The following PATJ variants were observed in gnomAD, a reference collection of about 807,000 sequenced individuals.
PATJ encodes PATJ crumbs cell polarity complex component.
In PATJ, 190 loss-of-function variants were observed where a neutral mutation model predicts 224.9. The ratio of observed to expected loss-of-function variants is 0.84; its 90% CI spans 0.75 to 0.95. The LOEUF is 0.95. Among genes scored for constraint, PATJ ranks in the 40% least tolerant of loss-of-function variants. The pLI is 0.00. For synonymous variants in PATJ, 769 were observed against 820.3 expected (o/e 0.94, Z 1.07); for missense variants, 2,121 against 2,270.3 (o/e 0.93, Z 1.34).
At chr1:62,057,454 G>T (rs1408082790) in intron 31 of PATJ, among the ~76,000 whole-genome samples, 1 of 152,168 alleles carries the variant, frequency 6.6e-6, no homozygotes, top group Non-Finnish European at 1.5e-5. Flanking sequence ...GTCTGCAGGA[G>T]ATGACTCCCA....
rs773955612 is a variant in PATJ, at chr1:62,117,170, C to A, written c.4842C>A (p.Leu1614=). 1.2e-6 allele frequency: 2 copies of A among 1,614,070 alleles called. No individual in the cohort carries two copies. Among genetic ancestry groups the A allele is most frequent in the Admixed American group, 3.3e-5 (2 of 60,014 alleles). ...TTGTGCAGCTAGAGATTGGAAGACT[C>A]CGAGCTGGTTCCTGGACCTCCGCAA... ...QGLVQLEIGR[L]RAGSWTSART... Residue 1614 remains leucine, a synonymous_variant, in exon 37 of 44, where the codon CTC becomes CTA. Coordinates refer to ENST00000642238, the MANE Select transcript of PATJ (RefSeq NM_001350145.3).
At chr1:61,925,692 A>G (rs1222488988) in intron 26 of PATJ, among the ~76,000 whole-genome samples, 1 of 152,200 alleles carries the variant, frequency 6.6e-6, no homozygotes, top group Non-Finnish European at 1.5e-5. Flanking sequence ...TCAAAGTATA[A>G]TTTAAGAAAA....
At chr1:62,081,755 CAG>C (rs1659313432) in intron 32 of PATJ, among the ~76,000 whole-genome samples, 1 of 152,026 alleles carries the variant, frequency 6.6e-6, no homozygotes. Flanking sequence ...TTAGTAGAGA[CAG>C]GGTTTCACCA....
At position 62,125,495 on chromosome 1, in the gene PATJ, C is replaced by A. The variant is rs1466101879; in HGVS notation, c.5043+2437C>A. On this transcript the variant is annotated intron_variant, in intron 39 of 43. Coordinates refer to ENST00000642238, the MANE Select transcript of PATJ (RefSeq NM_001350145.3). ...TTTGACTAAATCTGCCTTATTTGTT[C>A]CCGGTATTTTTCCACCAGAGTAGCA... Among the ~76,000 whole-genome samples, 4 of 151,954 alleles carry A rather than the reference C, an allele frequency of 2.6e-5. No homozygotes were observed. In the East Asian group the frequency reaches 7.7e-4, roughly 29 times the overall value.
At chr1:61,997,035 C>T (rs1025933473) in intron 28 of PATJ, among the ~76,000 whole-genome samples, 5 of 151,878 alleles carry the variant, frequency 3.3e-5, no homozygotes, top group East Asian at 3.9e-4. Context: ...AGCCACTGCA[C>T]CTGGCCAGAG....
At chr1:62,053,673 C>T (rs150008854) in intron 31 of PATJ, among the ~76,000 whole-genome samples, 388 of 152,022 alleles carry the variant, frequency 2.6e-3, no homozygotes, top group African/African-American at 8.9e-3. Context: ...GAGCCGAGAT[C>T]GCGCCATTGC....
intron 43 of PATJ, among the ~76,000 whole-genome samples, chr1:62,155,553 C>T (rs1272726706): frequency 6.6e-6 from 1 of 152,150 alleles, no homozygotes; most frequent in Non-Finnish European, 1.5e-5. Flanking sequence ...ACAGAATGCC[C>T]TCTCAAAGGT....
chr1:61,969,489 C>T (rs1682638047), intron 27 of PATJ, among the ~76,000 whole-genome samples: 1 of 152,164 alleles, frequency 6.6e-6, no homozygotes, highest in Admixed American at 6.5e-5. Context: ...CTTCTTTTCA[C>T]ATGCTTATTG....
Position 61,864,711 on chromosome 1 carries a change from C to T in PATJ, c.2835+78C>T, listed in dbSNP as rs75568156. The T allele has an allele frequency of 3.8e-4, 498 of 1,321,992 alleles. 1 individual carries two copies. In the African/African-American group the frequency reaches 6.4e-3, roughly 17 times the overall value. 81.9% of individuals were successfully genotyped at this position (1,321,992 alleles called of 1,614,324 possible). Reference sequence around the variant, plus strand: ...TCCCTGTCTCTAACTCATGTCACTTCAATGTTGTTTGTTTTTAAATGGGCC... The same window carrying T: ...TCCCTGTCTCTAACTCATGTCACTTTAATGTTGTTTGTTTTTAAATGGGCC... On this transcript the variant is annotated intron_variant, in intron 20 of 43. Transcript: ENST00000642238.
intron 15 of PATJ, among the ~76,000 whole-genome samples, chr1:61,823,659 G>C (rs12723091): frequency 0.039 from 6,014 of 152,322 alleles, 139 homozygotes; most frequent in South Asian, 0.061. Flanking sequence ...GGATACACAA[G>C]AAGCCCTAGG....
At position 62,076,419 on chromosome 1, in the gene PATJ, T is replaced by C. The variant is rs191800281; in HGVS notation, c.4126-3031T>C. Among the ~76,000 whole-genome samples, 454 of 152,278 alleles carry C rather than the reference T, an allele frequency of 3.0e-3. 2 individuals carry two copies. The highest frequency in any genetic ancestry group is 9.5e-3 in the African/African-American group (397 of 41,572). On this transcript the variant is annotated intron_variant, in intron 31 of 43. Transcript: ENST00000642238. ...CCTATAAAGTCCATCTCAGTTCTTA[T>C]AATACAGTAACATACAACAGCAAAT...
intron 31 of PATJ, among the ~76,000 whole-genome samples, chr1:62,070,691 A>G (rs1189071490): frequency 6.6e-6 from 1 of 152,206 alleles, no homozygotes; most frequent in Non-Finnish European, 1.5e-5. Context: ...AGCAAAATTT[A>G]TAAAGGGCAG....
intron 14 of PATJ, among the ~76,000 whole-genome samples, chr1:61,817,886 T>C (rs1656471779): frequency 6.6e-6 from 1 of 152,194 alleles, no homozygotes; most frequent in Non-Finnish European, 1.5e-5. Context: ...TAAACATAAA[T>C]GGCTATTTAA....
intron 27 of PATJ, among the ~76,000 whole-genome samples, chr1:61,949,973 G>A (rs150691548): frequency 0.025 from 3,771 of 152,198 alleles, 148 homozygotes; most frequent in African/African-American, 0.086. Flanking sequence ...GCCAAGGCAG[G>A]CGGATTACTT....
intron 28 of PATJ, among the ~76,000 whole-genome samples, chr1:61,994,044 T>G (rs954371758): frequency 6.6e-5 from 10 of 152,222 alleles, no homozygotes; most frequent in Middle Eastern, 3.4e-3. Context: ...ACAAAGATTC[T>G]CTAGTTTAAA....
At position 62,163,212 on chromosome 1, in the gene PATJ, T is replaced by C. The variant is rs1322519189; in HGVS notation, c.*2158T>C. The C allele has an allele frequency of 6.5e-6, 1 of 154,184 alleles. No individual in the cohort carries two copies. The highest frequency in any genetic ancestry group is 1.9e-4 in the South Asian group (1 of 5,204). The allele number at this position is 154,184 out of a possible 1,614,324, so 9.6% of individuals were successfully genotyped here. ...GTGCCTAAATTTTGTGTTGAAAATG[T>C]CTTTCATGACGGTATTAAGTTTTCT... On this transcript the variant is annotated 3_prime_UTR_variant, in exon 44 of 44. Transcript: ENST00000642238.
At chr1:61,792,140 TA>T (rs1479646791) in intron 9 of PATJ, among the ~76,000 whole-genome samples, 9 of 152,210 alleles carry the variant, frequency 5.9e-5, no homozygotes, top group African/African-American at 2.2e-4. Context: ...AAAAAATTGT[TA>T]TTTTGCATAC....
chr1:62,051,203 A>C (rs556638681), intron 31 of PATJ, 145 bp downstream of exon 31: 1 of 647,310 alleles, frequency 1.5e-6, no homozygotes, highest in East Asian at 2.7e-5. Flanking sequence ...ATATGTAGTG[A>C]GTGACCCATT....
At chr1:61,870,975 A>G (rs1211829769) in intron 20 of PATJ, among the ~76,000 whole-genome samples, 1 of 151,616 alleles carries the variant, frequency 6.6e-6, no homozygotes, top group East Asian at 1.9e-4. Context: ...AGTGATATTG[A>G]GCATCCTTTC....
Sources: gnomAD v4.1 joint callset for allele counts (sites outside exome capture counted in the v4.1 genomes callset) on GRCh38, gnomAD v4.1.1 for gene constraint, MANE v1.5 for transcripts, NCBI Gene and HGNC (gene_info 2026-07-23, HGNC 2026-07-21) for gene names.